TBC1D1: variants seen among roughly 807,000 people sequenced by gnomAD.
TBC1D1 encodes TBC1 (tre-2/USP6, BUB2, cdc16) domain family, member 1.
In TBC1D1, 89 loss-of-function variants were observed where a neutral mutation model predicts 125.6. The ratio of observed to expected loss-of-function variants is 0.71; its 90% CI spans 0.60 to 0.85. The LOEUF is 0.85. TBC1D1 is among the 40% of genes least tolerant of loss of function. The pLI is 0.00. For synonymous variants in TBC1D1, 565 were observed against 564.1 expected (o/e 1.00, Z -0.02); for missense variants, 1,377 against 1,469.2 (o/e 0.94, Z 1.03).
At chr4:37,892,626 T>C (rs991100552) in intron 1 of TBC1D1, among the ~76,000 whole-genome samples, 3 of 152,228 alleles carry the variant, frequency 2.0e-5, no homozygotes, top group African/African-American at 7.2e-5. Flanking sequence ...AGTGTAGTTA[T>C]AAATTATTAC....
intron 10 of TBC1D1, among the ~76,000 whole-genome samples, chr4:38,047,737 A>G (rs1442323416): frequency 1.3e-5 from 2 of 152,142 alleles, no homozygotes; most frequent in Non-Finnish European, 2.9e-5. Context: ...AAGGGAAGTT[A>G]GGTTTGGTCA....
chr4:37,951,863 T>C (rs1578012841), intron 2 of TBC1D1: 3 of 647,192 alleles, frequency 4.6e-6, no homozygotes, highest in Non-Finnish European at 8.6e-6. Flanking sequence ...TCAGATACAA[T>C]TTTTAGCTAT....
At chr4:37,944,711 C>T (rs967591038) in intron 2 of TBC1D1, among the ~76,000 whole-genome samples, 9 of 152,172 alleles carry the variant, frequency 5.9e-5, no homozygotes, top group African/African-American at 9.7e-5. Context: ...GGGAGTGACC[C>T]GATTTTCCAG....
intron 2 of TBC1D1, among the ~76,000 whole-genome samples, chr4:38,000,249 C>T (rs1014221298): frequency 3.3e-5 from 5 of 152,156 alleles, no homozygotes; most frequent in African/African-American, 4.8e-5. Flanking sequence ...GCTGATACCT[C>T]CCATCCTCTG....
rs748870275 is a variant in TBC1D1 at position 38,014,682 on chromosome 4, C to G, written c.591C>G (p.Ile197Met). Reference sequence around the variant, plus strand: ...CGCCGGCCCTGATCGACGAGTGCATCGAGAAGTTCAATCACGTCAGCGGCA... The same window carrying G: ...CGCCGGCCCTGATCGACGAGTGCATGGAGAAGTTCAATCACGTCAGCGGCA... Residue 197 changes from isoleucine (I) to methionine (M), a missense_variant, in exon 3 of 20, where the codon ATC (isoleucine) becomes ATG (methionine). Physicochemically the swap from Ile to Met is conservative, Grantham distance 10. Around this residue, in one of 3 missense-constraint regions of TBC1D1, gnomAD observed 822 missense variants for 824.6 expected, o/e 1.00. Coordinates refer to ENST00000261439, the MANE Select transcript of TBC1D1 (RefSeq NM_015173.4). The surrounding 1 kb of genome is among the most constrained non-coding windows in gnomAD (Gnocchi z 5.1). The G allele has an allele frequency of 9.9e-6, 16 of 1,613,148 alleles. No homozygotes were observed. Among genetic ancestry groups the G allele is most frequent in the Non-Finnish European group, 1.2e-5 (14 of 1,180,014 alleles).
intron 2 of TBC1D1, among the ~76,000 whole-genome samples, chr4:37,922,242 T>G (rs1721158176): frequency 6.6e-6 from 1 of 152,332 alleles, no homozygotes; most frequent in South Asian, 2.1e-4. Flanking sequence ...AATTTACAGT[T>G]GTTTAGGATG....
At chr4:38,119,477 A>G (rs553983253) in intron 17 of TBC1D1, among the ~76,000 whole-genome samples, 6 of 152,170 alleles carry the variant, frequency 3.9e-5, no homozygotes, top group African/African-American at 1.2e-4. Flanking sequence ...CTGGTTGAGC[A>G]TATCTTTAGT....
At chr4:38,034,605 A>G (rs1746847999) in intron 7 of TBC1D1, among the ~76,000 whole-genome samples, 2 of 152,170 alleles carry the variant, frequency 1.3e-5, no homozygotes, top group South Asian at 4.1e-4. Flanking sequence ...AGTGACCAAG[A>G]GTGGTGTTGA....
intron 2 of TBC1D1, among the ~76,000 whole-genome samples, chr4:37,992,493 G>GTTTTTT (rs1006353203): frequency 8.0e-6 from 1 of 125,526 alleles, no homozygotes; most frequent in Non-Finnish European, 1.6e-5. Flanking sequence ...GAAGTCTGGT[G>GTTTTTT]TTTTTTTTTT....
chr4:37,977,533 G>A lies in TBC1D1; in HGVS notation c.418-36976G>A. 1 of 942,066 alleles carries A rather than the reference G, an allele frequency of 1.1e-6. No individual in the cohort carries two copies. 58.4% of individuals were successfully genotyped at this position (942,066 alleles called of 1,614,324 possible). ...ATTGTTCAGCTGGGTGGCCAAGGTA[G>A]GCGGCGTCGGGCGGGCGCCCGTTAC... On this transcript the variant is annotated intron_variant, in intron 2 of 19. Transcript: ENST00000261439. This position sits in a 1 kb window ranked among gnomAD's most constrained non-coding sequence, Gnocchi z 4.3.
Sources: allele counts gnomAD v4.1 joint callset (sites outside exome capture counted in the v4.1 genomes callset), GRCh38; gene constraint gnomAD v4.1.1; regional missense constraint gnomAD v4.1.1; non-coding constraint Gnocchi (gnomAD v3.1); transcripts MANE v1.5; gene names NCBI Gene and HGNC (gene_info 2026-07-23, HGNC 2026-07-21).